The following MAML1 variants were observed in gnomAD, a reference collection of about 807,000 sequenced individuals.
The protein encoded by MAML1 is mastermind like transcriptional coactivator 1.
A neutral mutation model predicts 77.1 loss-of-function variants in MAML1; 14 were observed. The ratio of observed to expected loss-of-function variants is 0.18; its 90% CI spans 0.12 to 0.28. The LOEUF (loss-of-function observed/expected upper bound fraction) is 0.28. MAML1 is among the 10% of genes least tolerant of loss of function. The pLI is 1.00. For synonymous variants in MAML1, 516 were observed against 551.9 expected, an observed-to-expected ratio of 0.93 and a Z score of 0.91; for missense variants, 1,217 against 1,327.8, an observed-to-expected ratio of 0.92 and a Z score of 1.30.
chr5:179,765,963 G>A lies in MAML1; in HGVS notation c.953G>A (p.Arg318Lys), dbSNP rs1461449134. 6.2e-7 allele frequency: 1 copy of A among 1,613,992 alleles called. No individual in the cohort carries two copies. Among genetic ancestry groups the A allele is most frequent in the Admixed American group, 1.7e-5 (1 of 60,004 alleles). ...GAACAGTTAGGCTCTCCACAAGTGA[G>A]GGCCGGGTCTGCAGGGCAGACCTTT... ...EQEQLGSPQV[R>K]AGSAGQTFLG... Residue 318 changes from arginine to lysine, a missense_variant, in exon 2 of 5, where the codon AGG (arginine) becomes AAG (lysine). Physicochemically the swap from Arg to Lys is conservative, Grantham distance 26. Around this residue, in one of 3 missense-constraint regions of MAML1, gnomAD observed 884 missense variants for 949.3 expected, o/e 0.93. Coordinates refer to ENST00000292599, the MANE Select transcript of MAML1 (RefSeq NM_014757.5).
intron 1 of MAML1, among the ~76,000 whole-genome samples, chr5:179,735,375 A>G (rs897909853): frequency 6.6e-6 from 1 of 151,996 alleles, no homozygotes; most frequent in Non-Finnish European, 1.5e-5. Context: ...CATATTATCT[A>G]TGCTATTTGT....
intron 1 of MAML1, among the ~76,000 whole-genome samples, chr5:179,740,809 G>A (rs1266323087): frequency 1.3e-5 from 2 of 152,158 alleles, no homozygotes; most frequent in African/African-American, 4.8e-5. Flanking sequence ...GGAGAGGGGA[G>A]TATTCAAGGG....
Position 179,774,966 on chromosome 5 carries a change from C to T in MAML1, c.*89C>T, listed in dbSNP as rs934280760. 12 of 1,506,162 alleles carry T rather than the reference C, an allele frequency of 8.0e-6. No individual in the cohort carries two copies. Among genetic ancestry groups the T allele is most frequent in the Admixed American group, 2.1e-5 (1 of 46,662 alleles). The allele number at this position is 1,506,162 out of a possible 1,614,324, so 93.3% of individuals were successfully genotyped here. A position where few individuals can be genotyped will look rare whatever the true frequency, so the allele number is the denominator to read the frequency against. Reference sequence around the variant, plus strand: ...AAGAGCAACTACTTTGGACCAAAAGCCCATGGCCTGGGGAGCTGGGCAGGT... The same window carrying T: ...AAGAGCAACTACTTTGGACCAAAAGTCCATGGCCTGGGGAGCTGGGCAGGT... On this transcript the variant is annotated 3_prime_UTR_variant, in exon 5 of 5. Coordinates refer to ENST00000292599, the MANE Select transcript of MAML1 (RefSeq NM_014757.5).
At chr5:179,746,737 A>G (rs961855122) in intron 1 of MAML1, among the ~76,000 whole-genome samples, 10 of 152,226 alleles carry the variant, frequency 6.6e-5, no homozygotes, top group African/African-American at 2.4e-4. Context: ...ACATATAATC[A>G]AAAATTAACT....
Position 179,765,799 on chromosome 5 carries a change from C to T in MAML1, c.789C>T (p.Pro263=), listed in dbSNP as rs772641668. 9.3e-6 allele frequency: 15 copies of T among 1,613,944 alleles called. No individual in the cohort carries two copies. The highest frequency in any genetic ancestry group is 2.7e-5 in the African/African-American group (2 of 74,866). Reference sequence around the variant, plus strand: ...TCGAGGAGCTGAACAGGTCGGTGCCCGATGAAGACATGAAGGACCTGTTTA... The same window carrying T: ...TCGAGGAGCTGAACAGGTCGGTGCCTGATGAAGACATGAAGGACCTGTTTA... ...ELIEELNRSV[P]DEDMKDLFNE... Residue 263 remains proline (P), a synonymous_variant, in exon 2 of 5, where the codon CCC becomes CCT. Coordinates refer to ENST00000292599, the MANE Select transcript of MAML1 (RefSeq NM_014757.5).
In MAML1 at chr5:179,774,585, C is replaced by T; in HGVS notation, c.2759C>T (p.Pro920Leu). The T allele has an allele frequency of 6.2e-7, 1 of 1,612,468 alleles. No individual in the cohort carries two copies. Among genetic ancestry groups the T allele is most frequent in the South Asian group, 1.1e-5 (1 of 91,044 alleles). The change falls in exon 5 of 5, where the codon CCC (proline) becomes CTC (leucine). Residue 920 changes from proline to leucine, a missense_variant. Pro to Leu is a moderately conservative substitution (Grantham distance 98, BLOSUM62 -3). Around this residue, in one of 3 missense-constraint regions of MAML1, gnomAD observed 884 missense variants for 949.3 expected, o/e 0.93. Transcript: ENST00000292599. ...ACCAGCGCCCCTGCCCCAGCACCACCCCCAACAGCCCCTCAGCAGGGCTTG... is the reference window on the plus strand; with the variant it reads ...ACCAGCGCCCCTGCCCCAGCACCACTCCCAACAGCCCCTCAGCAGGGCTTG... ...QRTSAPAPAP[P>L]PTAPQQGLPG...
intron 1 of MAML1, among the ~76,000 whole-genome samples, chr5:179,757,016 C>T (rs1474061033): frequency 6.6e-6 from 1 of 152,002 alleles, no homozygotes; most frequent in Non-Finnish European, 1.5e-5. Context: ...TTAGTAGAGA[C>T]AGGGTTTTTA....
chr5:179,734,018 C>T (rs780425486), intron 1 of MAML1, among the ~76,000 whole-genome samples: 2 of 152,198 alleles, frequency 1.3e-5, no homozygotes, highest in Non-Finnish European at 2.9e-5. Context: ...CTTGAGATTC[C>T]TGCAATATTG....
Position 179,766,640 on chromosome 5 carries a change from C to A in MAML1, c.1630C>A (p.Pro544Thr). 2 of 1,612,512 alleles carry A rather than the reference C, an allele frequency of 1.2e-6. No individual in the cohort carries two copies. The highest frequency in any genetic ancestry group is 1.7e-6 in the Non-Finnish European group (2 of 1,178,954). Residue 544 changes from proline to threonine, a missense_variant, in exon 2 of 5, where the codon CCC (proline) becomes ACC (threonine). By Grantham distance (38) the Pro-to-Thr change is conservative. Coordinates refer to ENST00000292599, the MANE Select transcript of MAML1 (RefSeq NM_014757.5). The surrounding 1 kb of genome is among the most constrained non-coding windows in gnomAD (Gnocchi z 4.0). ...CAAGCCAGCCCTGATGGCTTATCTTCCCCAGCAGCTGTCCCATATAAGTCA... is the reference window on the plus strand; with the variant it reads ...CAAGCCAGCCCTGATGGCTTATCTTACCCAGCAGCTGTCCCATATAAGTCA... ...QSKPALMAYLPQQLSHISHEQ... is the reference protein window; with the variant it reads ...QSKPALMAYLTQQLSHISHEQ...
chr5:179,733,082 C>T lies in MAML1; in HGVS notation c.-31C>T. The T allele has an allele frequency of 7.8e-7, 1 of 1,274,310 alleles. No individual in the cohort carries two copies. The highest frequency in any genetic ancestry group is 9.9e-7 in the Non-Finnish European group (1 of 1,008,300). The allele number at this position is 1,274,310 out of a possible 1,614,324, so 78.9% of individuals were successfully genotyped here. A position where few individuals can be genotyped will look rare whatever the true frequency, so the allele number is the denominator to read the frequency against. Reference sequence around the variant, plus strand: ...TGCCAGCCGGCCCCGAGAGGCCCGGCCCCGGGCCCGGCCCGTGCAGCCCGC... The same window carrying T: ...TGCCAGCCGGCCCCGAGAGGCCCGGTCCCGGGCCCGGCCCGTGCAGCCCGC... On this transcript the variant is annotated 5_prime_UTR_variant, in exon 1 of 5. Transcript: ENST00000292599.
At chr5:179,773,675 C>T in intron 4 of MAML1, 2 of 914,646 alleles carry the variant, frequency 2.2e-6, no homozygotes, top group Non-Finnish European at 2.6e-6. Flanking sequence ...CTGGTTTTCT[C>T]TCCCCTGGGG....
intron 1 of MAML1, among the ~76,000 whole-genome samples, chr5:179,737,390 A>C (rs999211249): frequency 1.3e-5 from 2 of 152,154 alleles, no homozygotes; most frequent in Non-Finnish European, 2.9e-5. Context: ...CCTTCAATTC[A>C]GGGGGGAAGA....
intron 1 of MAML1, among the ~76,000 whole-genome samples, chr5:179,743,046 CTTTT>C (rs71001043): frequency 4.3e-5 from 3 of 69,810 alleles, no homozygotes; most frequent in Non-Finnish European, 3.0e-5. Context: ...CCCCTTCACA[CTTTT>C]TTTTTTTTTT....
intron 1 of MAML1, among the ~76,000 whole-genome samples, chr5:179,744,068 C>T (rs1779334993): frequency 6.6e-6 from 1 of 152,170 alleles, no homozygotes; most frequent in Non-Finnish European, 1.5e-5. Context: ...CTGGAACTTG[C>T]ATTCTTTTTA....
chr5:179,763,028 C>G (rs1339578254), intron 1 of MAML1, among the ~76,000 whole-genome samples: 1 of 152,226 alleles, frequency 6.6e-6, no homozygotes, highest in African/African-American at 2.4e-5. Flanking sequence ...GATTCTGTTT[C>G]TAATCTGAGA....
At chr5:179,764,146 C>A (rs901671772) in intron 1 of MAML1, among the ~76,000 whole-genome samples, 1 of 152,142 alleles carries the variant, frequency 6.6e-6, no homozygotes, top group South Asian at 2.1e-4. Context: ...CTGTGTGCTG[C>A]TCTCACTCTG....
chr5:179,764,995 ATGTGTG>A (rs34922506), intron 1 of MAML1, among the ~76,000 whole-genome samples: 8 of 147,674 alleles, frequency 5.4e-5, no homozygotes, highest in East Asian at 2.0e-4. Context: ...TAATATATAT[ATGTGTG>A]TGTGTGTGTG....
intron 3 of MAML1, chr5:179,770,932 A>C: frequency 2.1e-6 from 1 of 466,234 alleles, no homozygotes; most frequent in Non-Finnish European, 4.0e-6. Context: ...TCCATTTTTT[A>C]AAAACAGGTA....
In MAML1 at chr5:179,769,190, A is replaced by T; in HGVS notation, c.1971+101A>T. ...TCTGCTTGTGCGTGTGGATTTGCGC[A>T]GACTTGCGTGCCTGTTGTTAGAGTG... On this transcript the variant is annotated intron_variant, in intron 3 of 4. Coordinates refer to ENST00000292599, the MANE Select transcript of MAML1 (RefSeq NM_014757.5). This position sits in a 1 kb window ranked among gnomAD's most constrained non-coding sequence, Gnocchi z 4.2. 1 of 1,503,432 alleles carries T rather than the reference A, an allele frequency of 6.7e-7. No homozygotes were observed. Among genetic ancestry groups the T allele is most frequent in the Non-Finnish European group, 9.0e-7 (1 of 1,107,318 alleles). 93.1% of individuals were successfully genotyped at this position (1,503,432 alleles called of 1,614,324 possible). A position where few individuals can be genotyped will look rare whatever the true frequency, so the allele number is the denominator to read the frequency against.
Sources: allele counts gnomAD v4.1 joint callset (sites outside exome capture counted in the v4.1 genomes callset), GRCh38; gene constraint gnomAD v4.1.1; regional missense constraint gnomAD v4.1.1; non-coding constraint Gnocchi (gnomAD v3.1); transcripts MANE v1.5; gene names NCBI Gene and HGNC (gene_info 2026-07-23, HGNC 2026-07-21).